Variants in AGBL1 observed in about 807,000 individuals in gnomAD.
The protein encoded by AGBL1 is cytosolic carboxypeptidase 4.
Under a neutral mutation model 118.9 loss-of-function variants are expected in AGBL1, and 130 were observed. That is an observed-to-expected ratio of 1.09 (90% CI 0.95 to 1.26). The LOEUF (loss-of-function observed/expected upper bound fraction) is 1.26. Among genes scored for constraint, AGBL1 ranks in the 50% most tolerant of loss-of-function variants. AGBL1 has a pLI of 0.00. For synonymous variants in AGBL1, 555 were observed against 478.9 expected (o/e 1.16, Z -2.08); for missense variants, 1,584 against 1,298.1 (o/e 1.22, Z -3.38).
At chr15:86,477,252 A>C (rs867156692) in intron 18 of AGBL1, among the ~76,000 whole-genome samples, 65 of 93,188 alleles carry the variant, frequency 7.0e-4, no homozygotes, top group African/African-American at 3.6e-3. Context: ...TGAAGGAGAT[A>C]GAGACACAAA....
chr15:86,522,891 T>C lies in AGBL1; in HGVS notation c.2637T>C (p.His879=), dbSNP rs777530261. The C allele has an allele frequency of 1.5e-5, 24 of 1,613,888 alleles. No homozygotes were observed. In the East Asian group the frequency reaches 3.8e-4, roughly 25 times the overall value. ...PSAHLQPTIY[H]AKGLLYHLSS... ...CTCATCTGCAGCCAACCATTTACCA[T>C]GCCAAAGGCCTCCTCTACCACCTGA... Residue 879 remains histidine (H), a synonymous_variant, in exon 19 of 23, where the codon CAT becomes CAC. Transcript: ENST00000614907.
intron 21 of AGBL1, among the ~76,000 whole-genome samples, chr15:86,595,821 CA>C (rs2084397699): frequency 6.6e-6 from 1 of 151,918 alleles, no homozygotes; most frequent in South Asian, 2.1e-4. Flanking sequence ...ATTTGATGGG[CA>C]GGGGGCAAGG....
chr15:86,226,563 A>G (rs1245250538), intron 6 of AGBL1, among the ~76,000 whole-genome samples: 1 of 152,162 alleles, frequency 6.6e-6, no homozygotes, highest in East Asian at 1.9e-4. Context: ...AAAACTCTGA[A>G]AGTAGTCTTA....
intron 23 of AGBL1, among the ~76,000 whole-genome samples, chr15:86,926,546 A>T (rs756746585): frequency 6.6e-6 from 1 of 152,220 alleles, no homozygotes; most frequent in African/African-American, 2.4e-5. Context: ...AAGCAAGTCA[A>T]TTTATAGGGA....
chr15:86,706,268 A>G (rs1329812970), intron 22 of AGBL1, among the ~76,000 whole-genome samples: 1 of 152,104 alleles, frequency 6.6e-6, no homozygotes, highest in Non-Finnish European at 1.5e-5. Context: ...CTTAAAAAAT[A>G]TTTTGAAAAA....
chr15:86,759,363 C>A (rs1046775847), intron 22 of AGBL1, among the ~76,000 whole-genome samples: 13 of 151,882 alleles, frequency 8.6e-5, no homozygotes, highest in Non-Finnish European at 1.9e-4. Context: ...ATTTAGTTGC[C>A]CTCTTAGTCT....
intron 22 of AGBL1, among the ~76,000 whole-genome samples, chr15:86,763,494 T>TG (rs2078056035): frequency 6.6e-6 from 1 of 151,998 alleles, no homozygotes; most frequent in South Asian, 2.1e-4. Flanking sequence ...AGATAGATGA[T>TG]GGGGCAGATA....
chr15:86,523,181 G>A (rs952869317), intron 19 of AGBL1, among the ~76,000 whole-genome samples: 3 of 152,188 alleles, frequency 2.0e-5, no homozygotes, highest in African/African-American at 7.2e-5. Flanking sequence ...TCTGGAATCA[G>A]GGTGTTGGCA....
chr15:86,313,688 T>C (rs931060967), intron 17 of AGBL1, among the ~76,000 whole-genome samples: 1 of 152,230 alleles, frequency 6.6e-6, no homozygotes, highest in Non-Finnish European at 1.5e-5. Context: ...TACATTATCA[T>C]TTATGAATTA....
intron 17 of AGBL1, among the ~76,000 whole-genome samples, chr15:86,310,054 C>G (rs1441150158): frequency 6.6e-6 from 1 of 152,128 alleles, no homozygotes; most frequent in Non-Finnish European, 1.5e-5. Flanking sequence ...GCCATCAGAT[C>G]CTGAGCTTTT....
intron 17 of AGBL1, among the ~76,000 whole-genome samples, chr15:86,299,518 A>C (rs1368958068): frequency 6.6e-6 from 1 of 152,080 alleles, no homozygotes; most frequent in African/African-American, 2.4e-5. Context: ...AACACACAGA[A>C]TCCAAGAAAA....
chr15:86,441,279 G>A (rs934762820), intron 18 of AGBL1, among the ~76,000 whole-genome samples: 12 of 152,078 alleles, frequency 7.9e-5, no homozygotes, highest in African/African-American at 2.9e-4. Flanking sequence ...AACTAGTGAA[G>A]TCCGAATCTT....
chr15:86,315,543 G>C (rs190060536), intron 17 of AGBL1, among the ~76,000 whole-genome samples: 1,663 of 151,784 alleles, frequency 0.011, 30 homozygotes, highest in African/African-American at 0.036. Context: ...GTGAAACCCC[G>C]TCTCTACTAA....
intron 22 of AGBL1, among the ~76,000 whole-genome samples, chr15:86,774,556 G>C (rs560227960): frequency 4.1e-4 from 63 of 151,858 alleles, no homozygotes; most frequent in African/African-American, 1.4e-3. Context: ...AGTAATTTCA[G>C]TGCAATGAGA....
chr15:86,090,114 C>T (rs1895924263), intron 1 of AGBL1, among the ~76,000 whole-genome samples: 1 of 152,046 alleles, frequency 6.6e-6, no homozygotes, highest in African/African-American at 2.4e-5. Flanking sequence ...GGCTACTTTC[C>T]CCATTTTATA....
chr15:86,661,112 G>A (rs1182232584), intron 21 of AGBL1, among the ~76,000 whole-genome samples: 3 of 152,064 alleles, frequency 2.0e-5, no homozygotes, highest in East Asian at 1.9e-4. Flanking sequence ...AAGTATACAC[G>A]TCCCAAAGTC....
rs186529559 is a variant in AGBL1, at chr15:86,855,850, C to G, written c.3159-51237C>G. Among the ~76,000 whole-genome samples, 50 of 152,302 alleles carry G rather than the reference C, an allele frequency of 3.3e-4. No individual in the cohort carries two copies. In the East Asian group the frequency reaches 6.0e-3, roughly 18 times the overall value. On this transcript the variant is annotated intron_variant, in intron 22 of 22. Coordinates refer to ENST00000614907, the MANE Select transcript of AGBL1 (RefSeq NM_001386094.1). ...CAAGGATTCTCTCCTCATCTGGGAC[C>G]CCTGCTCAGATCTGCAGAGGGGTTC...
chr15:86,364,805 T>G (rs2080855442), intron 17 of AGBL1, among the ~76,000 whole-genome samples: 2 of 151,498 alleles, frequency 1.3e-5, no homozygotes, highest in Admixed American at 6.6e-5. Flanking sequence ...CCTGGTAGGG[T>G]CTTCATTTGA....
intron 18 of AGBL1, among the ~76,000 whole-genome samples, chr15:86,492,233 T>C (rs189294191): frequency 7.2e-4 from 110 of 152,226 alleles, no homozygotes; most frequent in Non-Finnish European, 8.5e-4. Context: ...TGTAAGGTGA[T>C]TGAGACTTGT....
Sources: gnomAD v4.1 joint callset for allele counts (sites outside exome capture counted in the v4.1 genomes callset) on GRCh38, gnomAD v4.1.1 for gene constraint, MANE v1.5 for transcripts, NCBI Gene and HGNC (gene_info 2026-07-23, HGNC 2026-07-21) for gene names.